The following MAP9 variants were observed in gnomAD, a reference collection of about 807,000 sequenced individuals.
The protein encoded by MAP9 is microtubule-associated protein 9.
A neutral mutation model predicts 75.2 loss-of-function variants in MAP9; 80 were observed. The ratio of observed to expected loss-of-function variants is 1.06; its 90% CI spans 0.89 to 1.28. The LOEUF (loss-of-function observed/expected upper bound fraction) is 1.28, where lower values mean the gene tolerates loss of function less well. Ranked by LOEUF, MAP9 falls within the 50% of genes most tolerant of loss-of-function variation. MAP9 has a pLI of 0.00. For synonymous variants in MAP9, 235 were observed against 237.3 expected, an observed-to-expected ratio of 0.99 and a Z score of 0.09; for missense variants, 753 against 719.9, an observed-to-expected ratio of 1.05 and a Z score of -0.53.
At chr4:155,375,750 A>G (rs1468850799) in intron 2 of MAP9, 26 bp downstream of exon 2, 5 of 1,469,766 alleles carry the variant, frequency 3.4e-6, no homozygotes, top group Non-Finnish European at 4.8e-6. Context: ...TACACTGTGA[A>G]ATGATTCCAA....
Position 155,355,863 on chromosome 4 carries a change from C to A in MAP9, c.1143G>T (p.Leu381Phe), listed in dbSNP as rs767145445. ...ASARLMTSEF[L>F]KKSSSKRRTP... is the part of the protein sequence containing the mutation. The stretch of plus-strand genomic sequence containing the variant: ...TTCTCCTTTTAGAACTAGATTTCTT[C>A]AAAAACTCAGAGGTCATTAATCTGA... The change falls in exon 9 of 14, where the codon TTG becomes TTT. Residue 381 changes from leucine (L) to phenylalanine (F), a missense_variant. Transcript: ENST00000311277. 1.9e-6 allele frequency: 3 copies of A among 1,612,650 alleles called. No individual in the cohort carries two copies. Among genetic ancestry groups the A allele is most frequent in the African/African-American group, 1.3e-5 (1 of 74,782 alleles).
chr4:155,360,597 A>G (rs1732030962), intron 6 of MAP9, 182 bp from the exon 7 acceptor site: 1 of 559,654 alleles, frequency 1.8e-6, no homozygotes. Flanking sequence ...ACAAAAAAAA[A>G]TAGTCTAGGC....
At chr4:155,352,548 C>A in intron 13 of MAP9, 48 bp downstream of exon 13, 1 of 1,536,084 alleles carries the variant, frequency 6.5e-7, no homozygotes, top group African/African-American at 1.4e-5. Flanking sequence ...AGAAAAGACA[C>A]AAAAGGTACA....
intron 5 of MAP9, chr4:155,368,212 C>G (rs1732416425): frequency 3.0e-6 from 1 of 328,716 alleles, no homozygotes; most frequent in Non-Finnish European, 5.5e-6. Context: ...TTACATAATT[C>G]AAAGATACAT....
chr4:155,347,887 CT>C lies in MAP9; in HGVS notation c.1839del (p.Glu614LysfsTer62). On this transcript the variant is annotated frameshift_variant, in exon 14 of 14. Coordinates refer to ENST00000311277, the MANE Select transcript of MAP9 (RefSeq NM_001039580.2). LOFTEE classifies it high-confidence loss of function. The part of the protein sequence containing the change: ...YEKWLENKEK[Q>X]ERIERKQKKR... ...TTCTTCTGTTTTCGTTCAATTCTTTCTTGTTTTTCCTTATTTTCCTAAAGAG... is the reference window on the plus strand; with the variant it reads ...TTCTTCTGTTTTCGTTCAATTCTTTCTGTTTTTCCTTATTTTCCTAAAGAG... The C allele has an allele frequency of 6.5e-7, 1 of 1,533,506 alleles. No individual in the cohort carries two copies. Among genetic ancestry groups the C allele is most frequent in the Non-Finnish European group, 8.9e-7 (1 of 1,118,962 alleles). 95.0% of individuals were successfully genotyped at this position (1,533,506 alleles called of 1,614,324 possible). A position where few individuals can be genotyped will look rare whatever the true frequency, so the allele number is the denominator to read the frequency against.
intron 5 of MAP9, chr4:155,367,100 C>T (rs1732364800): frequency 6.6e-6 from 1 of 152,170 alleles, no homozygotes; most frequent in African/African-American, 2.4e-5. Flanking sequence ...AACATACGAA[C>T]ATTAATGCCC....
chr4:155,376,014 A>G (rs1372556294), intron 1 of MAP9, 100 bp from the exon 2 acceptor site: 3 of 517,358 alleles, frequency 5.8e-6, no homozygotes, highest in East Asian at 3.1e-5. Flanking sequence ...AGCATCTGAT[A>G]TGAACATTGG....
intron 13 of MAP9, among the ~76,000 whole-genome samples, chr4:155,348,689 A>G (rs1290528987): frequency 6.6e-6 from 1 of 152,160 alleles, no homozygotes; most frequent in Non-Finnish European, 1.5e-5. Flanking sequence ...AGCCTTTTGT[A>G]AATTTTCTGC....
At chr4:155,350,617 A>G (rs1278201021) in intron 13 of MAP9, among the ~76,000 whole-genome samples, 4 of 152,042 alleles carry the variant, frequency 2.6e-5, no homozygotes, top group Non-Finnish European at 5.9e-5. Context: ...GCATTATTTA[A>G]CAGATTAACT....
intron 3 of MAP9, 30 bp from the exon 4 acceptor site, chr4:155,373,486 A>G: frequency 7.2e-7 from 1 of 1,392,804 alleles, no homozygotes; most frequent in Non-Finnish European, 9.5e-7. Context: ...AATGTTTTCA[A>G]CAGTATTTTT....
intron 8 of MAP9, among the ~76,000 whole-genome samples, chr4:155,356,277 T>A (rs960330334): frequency 4.0e-5 from 6 of 151,490 alleles, no homozygotes; most frequent in South Asian, 2.1e-4. Context: ...AAAAAAAAAA[T>A]TGGAAACTAC....
At chr4:155,356,550 T>C (rs1327934602) in intron 8 of MAP9, among the ~76,000 whole-genome samples, 2 of 152,216 alleles carry the variant, frequency 1.3e-5, no homozygotes, top group African/African-American at 4.8e-5. Context: ...ATCACTCTTT[T>C]AATATTTTCT....
At chr4:155,372,543 G>A (rs1035525405) in intron 4 of MAP9, among the ~76,000 whole-genome samples, 9 of 152,116 alleles carry the variant, frequency 5.9e-5, no homozygotes, top group African/African-American at 2.2e-4. Context: ...CTTTCCTTTG[G>A]AAAACTGAAT....
At chr4:155,352,764 G>A in intron 12 of MAP9, 36 bp from the exon 13 acceptor site, 1 of 1,496,744 alleles carries the variant, frequency 6.7e-7, no homozygotes, top group Non-Finnish European at 9.0e-7. Context: ...GAGAGTTAAA[G>A]GAAAATACAT....
Position 155,373,249 on chromosome 4 carries a change from T to G in MAP9, c.368A>C (p.Asp123Ala). ...EEEMAPDGCE[D>A]IVVKSFSESQ... ...TTCAGAGAAAGATTTTACAACAATG[T>G]CTTCACACCCATCAGGTGCCATTTC... The change falls in exon 4 of 14, where the codon GAC becomes GCC. Residue 123 changes from aspartate (D) to alanine (A), a missense_variant. Physicochemically the swap from Asp to Ala is moderately radical, Grantham distance 126. Coordinates refer to ENST00000311277, the MANE Select transcript of MAP9 (RefSeq NM_001039580.2). 1 of 1,612,964 alleles carries G rather than the reference T, an allele frequency of 6.2e-7. No individual in the cohort carries two copies. The highest frequency in any genetic ancestry group is 8.5e-7 in the Non-Finnish European group (1 of 1,179,416).
chr4:155,376,781 G>C lies in MAP9; in HGVS notation c.-75C>G, dbSNP rs2111309445. On this transcript the variant is annotated 5_prime_UTR_variant, in exon 1 of 14. Transcript: ENST00000311277. ...GTAGGAGCTGCTCACCTTGGTCTGG[G>C]CCTGGCGGCGCCCGCAGAGCCGGTC... 6.5e-6 allele frequency: 1 copy of C among 152,926 alleles called. No homozygotes were observed. The highest frequency in any genetic ancestry group is 2.4e-5 in the African/African-American group (1 of 41,578). 9.5% of individuals were successfully genotyped at this position (152,926 alleles called of 1,614,324 possible). A position where few individuals can be genotyped will look rare whatever the true frequency, so the allele number is the denominator to read the frequency against.
intron 5 of MAP9, among the ~76,000 whole-genome samples, chr4:155,365,720 C>A (rs1395766751): frequency 6.6e-6 from 1 of 151,660 alleles, no homozygotes; most frequent in African/African-American, 2.4e-5. Context: ...AGAGAAAAAA[C>A]AAGTATTTGA....
intron 4 of MAP9, among the ~76,000 whole-genome samples, chr4:155,371,403 ATTATC>A (rs1342294368): frequency 6.6e-6 from 1 of 151,986 alleles, no homozygotes; most frequent in Non-Finnish European, 1.5e-5. Context: ...TATGCCAGAT[ATTATC>A]TTAGGAACAC....
intron 7 of MAP9, among the ~76,000 whole-genome samples, chr4:155,358,430 C>A (rs1213423556): frequency 2.0e-5 from 3 of 152,096 alleles, no homozygotes; most frequent in African/African-American, 7.2e-5. Flanking sequence ...GCTTAATGAA[C>A]CTCCTTCATC....
Sources: allele counts gnomAD v4.1 joint callset (sites outside exome capture counted in the v4.1 genomes callset), GRCh38; gene constraint gnomAD v4.1.1; transcripts MANE v1.5; gene names NCBI Gene and HGNC (gene_info 2026-07-23, HGNC 2026-07-21).